Variants in OMA1 observed in about 807,000 individuals in gnomAD.
OMA1 encodes the protein metalloendopeptidase OMA1, mitochondrial.
Under a neutral mutation model 30.9 loss-of-function variants are expected in OMA1, and 38 were observed. That is an observed-to-expected ratio of 1.23 (90% CI 0.95 to 1.61). The LOEUF (loss-of-function observed/expected upper bound fraction) is 1.61. OMA1 is among the 40% of genes most tolerant of loss of function. The pLI is 0.00. For synonymous variants in OMA1, 173 were observed against 121.9 expected (o/e 1.42, Z -2.76); for missense variants, 461 against 349.2 (o/e 1.32, Z -2.55).
chr1:58,489,513 G>C (rs564157567), intron 8 of OMA1, among the ~76,000 whole-genome samples: 2 of 152,158 alleles, frequency 1.3e-5, no homozygotes, highest in African/African-American at 2.4e-5. Context: ...TCCACCTCTG[G>C]GGGCAGGGCA....
intron 7 of OMA1, among the ~76,000 whole-genome samples, chr1:58,523,379 T>C (rs1017880418): frequency 5.9e-5 from 9 of 152,188 alleles, no homozygotes; most frequent in African/African-American, 1.9e-4. Context: ...TCTTCAGTGG[T>C]GTAAACCTTA....
chr1:58,519,412 T>C (rs1011100647), intron 7 of OMA1, among the ~76,000 whole-genome samples: 1 of 152,124 alleles, frequency 6.6e-6, no homozygotes. Flanking sequence ...AAGGCCAATA[T>C]ATATTCTATG....
chr1:58,481,289 T>A (rs1645478344), intron 8 of OMA1, 115 bp from the exon 9 acceptor site: 1 of 423,812 alleles, frequency 2.4e-6, no homozygotes, highest in Non-Finnish European at 4.1e-6. Flanking sequence ...GTTATTTTTT[T>A]AATAAAAGGT....
chr1:58,501,698 T>G (rs998588273), intron 8 of OMA1, among the ~76,000 whole-genome samples: 4 of 152,170 alleles, frequency 2.6e-5, no homozygotes, highest in Admixed American at 1.3e-4. Flanking sequence ...TACACTGCTA[T>G]TCCTGCACCC....
chr1:58,521,812 C>A (rs1646269215), intron 7 of OMA1, among the ~76,000 whole-genome samples: 1 of 151,986 alleles, frequency 6.6e-6, no homozygotes, highest in South Asian at 2.1e-4. Context: ...ATGGCTTTAC[C>A]CAGGAATTCT....
At chr1:58,546,359 G>C (rs1025025535) in intron 1 of OMA1, among the ~76,000 whole-genome samples, 1 of 152,210 alleles carries the variant, frequency 6.6e-6, no homozygotes, top group African/African-American at 2.4e-5. Flanking sequence ...CGCGGATAAG[G>C]GCGGGCTGAG....
chr1:58,491,727 T>C (rs1364002044), intron 8 of OMA1, among the ~76,000 whole-genome samples: 9 of 152,206 alleles, frequency 5.9e-5, no homozygotes, highest in Non-Finnish European at 2.9e-5. Flanking sequence ...ATCCTAAATA[T>C]ATATGCACCC....
At chr1:58,489,757 G>A (rs1361077991) in intron 8 of OMA1, among the ~76,000 whole-genome samples, 1 of 152,192 alleles carries the variant, frequency 6.6e-6, no homozygotes, top group East Asian at 1.9e-4. Context: ...CCAGAGGAAT[G>A]ATGAGGCAGC....
chr1:58,543,087 A>G (rs966805822), intron 1 of OMA1, among the ~76,000 whole-genome samples: 3 of 152,154 alleles, frequency 2.0e-5, no homozygotes, highest in Non-Finnish European at 2.9e-5. Flanking sequence ...ATATGAGAGA[A>G]TAAGACCTCC....
At chr1:58,546,389 C>G (rs1488357428) in intron 1 of OMA1, among the ~76,000 whole-genome samples, 1 of 152,184 alleles carries the variant, frequency 6.6e-6, no homozygotes, top group Non-Finnish European at 1.5e-5. Flanking sequence ...AGGCGGCCCA[C>G]GAAAGTACTG....
chr1:58,506,584 C>A (rs551273292), intron 7 of OMA1, among the ~76,000 whole-genome samples: 1 of 152,030 alleles, frequency 6.6e-6, no homozygotes, highest in Non-Finnish European at 1.5e-5. Flanking sequence ...TCACAATAAC[C>A]CTGCTAACCA....
intron 8 of OMA1, among the ~76,000 whole-genome samples, chr1:58,495,345 A>T (rs999278090): frequency 1.3e-5 from 2 of 152,154 alleles, no homozygotes; most frequent in Non-Finnish European, 2.9e-5. Flanking sequence ...GGTGCAGCAC[A>T]CCAACATGGC....
intron 8 of OMA1, among the ~76,000 whole-genome samples, chr1:58,488,687 G>C (rs1256526650): frequency 6.6e-6 from 1 of 152,098 alleles, no homozygotes; most frequent in Non-Finnish European, 1.5e-5. Context: ...CCCGACCTCA[G>C]GTATCTCCTG....
At position 58,539,410 on chromosome 1, in the gene OMA1, C is replaced by T. The variant is rs929952739; in HGVS notation, c.-16-100G>A. 8 of 639,922 alleles carry T rather than the reference C, an allele frequency of 1.3e-5. No homozygotes were observed. The African/African-American group carries it at 1.3e-4, about 10-fold the overall frequency. The allele number at this position is 639,922 out of a possible 1,614,324, so 39.6% of individuals were successfully genotyped here. A position where few individuals can be genotyped will look rare whatever the true frequency, so the allele number is the denominator to read the frequency against. ...ATAGGCGTGTCAGTTGTTCTTCTAA[C>T]ACATCTCAGGCTAAATTACCTTGGG... On this transcript the variant is annotated intron_variant, in intron 1 of 8. Coordinates refer to ENST00000371226, the MANE Select transcript of OMA1 (RefSeq NM_145243.5).
chr1:58,518,795 A>C (rs1646214093), intron 7 of OMA1, among the ~76,000 whole-genome samples: 1 of 152,212 alleles, frequency 6.6e-6, no homozygotes, highest in African/African-American at 2.4e-5. Flanking sequence ...TGTGAAATAA[A>C]GAAGAGGAGA....
chr1:58,486,094 TCTAAA>T (rs1645571888), intron 8 of OMA1, among the ~76,000 whole-genome samples: 1 of 152,190 alleles, frequency 6.6e-6, no homozygotes, highest in Admixed American at 6.5e-5. Context: ...ATTTTACACA[TCTAAA>T]TTGACATTGG....
At chr1:58,542,037 T>C (rs1298721733) in intron 1 of OMA1, among the ~76,000 whole-genome samples, 1 of 152,234 alleles carries the variant, frequency 6.6e-6, no homozygotes, top group Non-Finnish European at 1.5e-5. Context: ...AATAGTATTA[T>C]CTATATATCA....
chr1:58,488,816 A>AT (rs1319693217), intron 8 of OMA1, among the ~76,000 whole-genome samples: 1 of 152,216 alleles, frequency 6.6e-6, no homozygotes, highest in Non-Finnish European at 1.5e-5. Flanking sequence ...AGTCCACTGT[A>AT]TACGTCTTAT....
intron 1 of OMA1, among the ~76,000 whole-genome samples, chr1:58,544,755 G>C (rs745444787): frequency 9.9e-5 from 15 of 152,178 alleles, no homozygotes; most frequent in Non-Finnish European, 1.6e-4. Context: ...TACCACATCT[G>C]GCTAATTTTT....
Sources: allele counts gnomAD v4.1 joint callset (sites outside exome capture counted in the v4.1 genomes callset), GRCh38; gene constraint gnomAD v4.1.1; transcripts MANE v1.5; gene names NCBI Gene and HGNC (gene_info 2026-07-23, HGNC 2026-07-21).